Variants in ABCC5 observed in about 807,000 individuals in gnomAD.
ABCC5 encodes ATP-binding cassette sub-family C member 5.
In ABCC5, 61 loss-of-function variants were observed where a neutral mutation model predicts 160.9. That is an observed-to-expected ratio of 0.38 (90% CI 0.31 to 0.47). The LOEUF is 0.47. ABCC5 is among the 20% of genes least tolerant of loss of function. ABCC5 has a pLI of 0.99. For synonymous variants in ABCC5, 666 were observed against 700.6 expected (o/e 0.95, Z 0.78); for missense variants, 1,308 against 1,813.3 (o/e 0.72, Z 5.06).
rs749148982 is a variant in ABCC5 at position 184,014,257 on chromosome 3, A to AACT, written c.129+4_129+6dup. ...CAGGTAAGAGACTCTTAGGAAAGGA[A>AACT]ACTGACCGGTCGAGTTCTCCTGAAC... On this transcript the variant is annotated splice_region_variant and intron_variant, in intron 2 of 29. Coordinates refer to ENST00000334444, the MANE Select transcript of ABCC5 (RefSeq NM_005688.4). 8 of 1,611,834 alleles carry AACT rather than the reference A, an allele frequency of 5.0e-6. No individual in the cohort carries two copies. The East Asian group carries it at 6.7e-5, about 13-fold the overall frequency.
At chr3:184,004,970 A>G (rs1165332446) in intron 2 of ABCC5, among the ~76,000 whole-genome samples, 1 of 152,182 alleles carries the variant, frequency 6.6e-6, no homozygotes, top group Admixed American at 6.5e-5. Flanking sequence ...CATATCCTGA[A>G]CCCTCAGGTC....
At chr3:183,931,324 CTT>C (rs61449343) in intron 26 of ABCC5, among the ~76,000 whole-genome samples, 23 of 131,496 alleles carry the variant, frequency 1.7e-4, no homozygotes, top group Admixed American at 3.1e-4. Context: ...ACAGGCTTAA[CTT>C]TTTTTTTTTT....
Position 183,928,706 on chromosome 3 carries a change from C to T in ABCC5, c.3933+41G>A, listed in dbSNP as rs765041941. On this transcript the variant is annotated intron_variant, in intron 27 of 29. Transcript: ENST00000334444. ...GCAAGGGCACTGCTGTGCTTCCACC[C>T]TCACCATCTCAGCACGGCTTCCCCT... 3.2e-6 allele frequency: 5 copies of T among 1,581,008 alleles called. No homozygotes were observed. The South Asian group carries it at 5.5e-5, about 18-fold the overall frequency.
At chr3:183,940,461 G>GAA (rs1714199873) in intron 25 of ABCC5, among the ~76,000 whole-genome samples, 1 of 35,536 alleles carries the variant, frequency 2.8e-5, no homozygotes, top group African/African-American at 1.4e-4. Context: ...CTCTGTCTCA[G>GAA]GAAAAAAAAA....
intron 29 of ABCC5, among the ~76,000 whole-genome samples, chr3:183,922,304 G>A (rs1335603294): frequency 2.6e-5 from 4 of 152,180 alleles, no homozygotes; most frequent in African/African-American, 9.7e-5. Flanking sequence ...CCCGGGAGGC[G>A]GAGGTTGTGG....
chr3:183,976,263 A>AC (rs1718208930), intron 10 of ABCC5, among the ~76,000 whole-genome samples: 1 of 151,858 alleles, frequency 6.6e-6, no homozygotes, highest in African/African-American at 2.4e-5. Context: ...ACAAAAAAAA[A>AC]CAAAAACACA....
At chr3:183,961,739 A>T in intron 15 of ABCC5, 85 bp from the exon 16 acceptor site, 1 of 1,527,418 alleles carries the variant, frequency 6.5e-7, no homozygotes, top group Non-Finnish European at 8.9e-7. Flanking sequence ...AGTTCTCTAC[A>T]GGAGACGAGT....
chr3:184,015,418 T>C (rs947035934), intron 1 of ABCC5, among the ~76,000 whole-genome samples: 6 of 152,210 alleles, frequency 3.9e-5, no homozygotes, highest in Non-Finnish European at 7.3e-5. Flanking sequence ...CAACGGAAAT[T>C]AAAGACGTGT....
intron 2 of ABCC5, among the ~76,000 whole-genome samples, chr3:184,006,852 C>T (rs1348081802): frequency 6.6e-6 from 1 of 151,884 alleles, no homozygotes; most frequent in Non-Finnish European, 1.5e-5. Context: ...TAAGTAAGAG[C>T]CCTGGATTTT....
intron 29 of ABCC5, 53 bp downstream of exon 29, chr3:183,925,502 G>A: frequency 6.3e-7 from 1 of 1,594,770 alleles, no homozygotes. Context: ...TCCCTGCCAG[G>A]GGCCAGTTTC....
intron 17 of ABCC5, among the ~76,000 whole-genome samples, chr3:183,956,056 G>A (rs1180113029): frequency 2.1e-5 from 3 of 141,118 alleles, no homozygotes; most frequent in South Asian, 2.2e-4. Flanking sequence ...ATGCAGATCC[G>A]TGTGTATATC....
chr3:183,965,600 T>C (rs1359371393), intron 12 of ABCC5, 99 bp from the exon 13 acceptor site: 1 of 1,508,540 alleles, frequency 6.6e-7, no homozygotes, highest in Non-Finnish European at 9.0e-7. Flanking sequence ...GCTCTGGTAA[T>C]TTCCCGGGAT....
chr3:183,987,827 C>T lies in ABCC5; in HGVS notation c.534G>A (p.Arg178=). The T allele has an allele frequency of 6.2e-7, 1 of 1,613,790 alleles. No individual in the cohort carries two copies. ...RRVVWIFCRT[R]LILSIVCLMI... is the part of the protein sequence containing the mutation. ...TCAGGCACACGATGGACAGGATGAG[C>T]CTGGTGCGGCAGAAGATCCACACAA... The change falls in exon 5 of 30, where the codon AGG becomes AGA. Residue 178 remains arginine (R), a synonymous_variant. Coordinates refer to ENST00000334444, the MANE Select transcript of ABCC5 (RefSeq NM_005688.4). The surrounding 1 kb of genome is among the most constrained non-coding windows in gnomAD (Gnocchi z 4.2).
At chr3:183,923,923 T>C (rs1712253276) in intron 29 of ABCC5, among the ~76,000 whole-genome samples, 2 of 151,978 alleles carry the variant, frequency 1.3e-5, no homozygotes, top group African/African-American at 4.8e-5. Context: ...ATTTAGACAG[T>C]GTGCTGGCAG....
intron 2 of ABCC5, among the ~76,000 whole-genome samples, chr3:184,008,459 C>T (rs1006222814): frequency 2.6e-5 from 4 of 152,182 alleles, no homozygotes; most frequent in African/African-American, 9.7e-5. Context: ...AAAGTTAGTA[C>T]TCAGGCTCAA....
At chr3:183,960,597 T>G (rs1716627278) in intron 16 of ABCC5, among the ~76,000 whole-genome samples, 1 of 152,146 alleles carries the variant, frequency 6.6e-6, no homozygotes, top group South Asian at 2.1e-4. Context: ...CATAAAAGCA[T>G]CGGTCTTCCC....
At chr3:183,926,140 T>C (rs1210550926) in intron 28 of ABCC5, among the ~76,000 whole-genome samples, 2 of 98,372 alleles carry the variant, frequency 2.0e-5, no homozygotes, top group Non-Finnish European at 4.0e-5. Flanking sequence ...GCCCAGCCTA[T>C]TGTTTTTTTT....
intron 8 of ABCC5, among the ~76,000 whole-genome samples, chr3:183,980,553 C>T (rs4912471): frequency 0.23 from 34,868 of 152,082 alleles, 4,945 homozygotes; most frequent in Middle Eastern, 0.33. Context: ...CAAGGCAGCC[C>T]CGTCCACTGC....
At chr3:183,958,153 G>T (rs1250102667) in intron 17 of ABCC5, among the ~76,000 whole-genome samples, 2 of 152,170 alleles carry the variant, frequency 1.3e-5, no homozygotes, top group Non-Finnish European at 2.9e-5. Context: ...TATCACATTG[G>T]TTACATGCAG....
Sources: allele counts gnomAD v4.1 joint callset (sites outside exome capture counted in the v4.1 genomes callset), GRCh38; gene constraint gnomAD v4.1.1; non-coding constraint Gnocchi (gnomAD v3.1); transcripts MANE v1.5; gene names NCBI Gene and HGNC (gene_info 2026-07-23, HGNC 2026-07-21).